ADAMTSL3: variants seen among roughly 807,000 people sequenced by gnomAD.
ADAMTSL3 encodes ADAMTS-like protein 3.
Under a neutral mutation model 201.7 loss-of-function variants are expected in ADAMTSL3, and 128 were observed. That is an observed-to-expected ratio of 0.63 (90% confidence interval 0.55 to 0.73). ADAMTSL3 has a LOEUF of 0.73. Ranked by LOEUF, ADAMTSL3 falls within the 30% of genes least tolerant of loss-of-function variation. The probability of loss-of-function intolerance (pLI) is 0.00; values close to 1 mark genes in which losing one functional copy is unlikely to be tolerated. For missense variants in ADAMTSL3, 1,990 were observed against 2,119.6 expected, an observed-to-expected ratio of 0.94 and a Z score of 1.20; for synonymous variants, 738 against 748.4, an observed-to-expected ratio of 0.99 and a Z score of 0.23.
chr15:83,807,755 A>G (rs1488814400), intron 5 of ADAMTSL3, among the ~76,000 whole-genome samples: 2 of 152,234 alleles, frequency 1.3e-5, no homozygotes, highest in Non-Finnish European at 1.5e-5. Context: ...ACAAAGTGAT[A>G]GTAACTAAAA....
chr15:83,981,308 G>A (rs879842103), intron 20 of ADAMTSL3, among the ~76,000 whole-genome samples: 1 of 152,224 alleles, frequency 6.6e-6, no homozygotes, highest in Non-Finnish European at 1.5e-5. Flanking sequence ...CCCATTAAGA[G>A]GAGCCGATCG....
At chr15:83,826,451 T>A (rs1177844127) in intron 6 of ADAMTSL3, among the ~76,000 whole-genome samples, 4 of 142,756 alleles carry the variant, frequency 2.8e-5, no homozygotes, top group Non-Finnish European at 3.0e-5. Context: ...TTTTTTTTTT[T>A]AATTTTTATC....
At chr15:83,782,968 A>G (rs1033239904) in intron 4 of ADAMTSL3, among the ~76,000 whole-genome samples, 5 of 140,882 alleles carry the variant, frequency 3.5e-5, no homozygotes, top group Middle Eastern at 3.7e-3. Flanking sequence ...ATATATACAT[A>G]TATTATATAT....
At chr15:84,013,952 C>G (rs2068045869) in intron 23 of ADAMTSL3, among the ~76,000 whole-genome samples, 1 of 152,182 alleles carries the variant, frequency 6.6e-6, no homozygotes, top group Non-Finnish European at 1.5e-5. Flanking sequence ...CCCTGCATCT[C>G]ACTGCATTGA....
intron 9 of ADAMTSL3, among the ~76,000 whole-genome samples, chr15:83,883,903 T>A (rs1439496855): frequency 6.6e-6 from 1 of 151,570 alleles, no homozygotes; most frequent in East Asian, 1.9e-4. Flanking sequence ...TTTTACTTTT[T>A]TTTTTTTAGA....
At chr15:83,959,594 T>C (rs529334506) in intron 19 of ADAMTSL3, among the ~76,000 whole-genome samples, 13 of 152,306 alleles carry the variant, frequency 8.5e-5, no homozygotes, top group Non-Finnish European at 1.9e-4. Flanking sequence ...GAGCCAAAGA[T>C]TTTATATCCT....
chr15:83,867,230 A>T (rs1256693571), intron 8 of ADAMTSL3, among the ~76,000 whole-genome samples: 1 of 152,208 alleles, frequency 6.6e-6, no homozygotes, highest in Non-Finnish European at 1.5e-5. Flanking sequence ...AGCAACATCA[A>T]TGTCAGTCTC....
At chr15:83,837,277 C>T (rs1165543113) in intron 6 of ADAMTSL3, among the ~76,000 whole-genome samples, 5 of 149,942 alleles carry the variant, frequency 3.3e-5, no homozygotes, top group Admixed American at 1.3e-4. Flanking sequence ...TAGATAAAGA[C>T]TATAGACAGA....
intron 4 of ADAMTSL3, among the ~76,000 whole-genome samples, chr15:83,781,563 A>T (rs1193291678): frequency 6.6e-6 from 1 of 152,242 alleles, no homozygotes; most frequent in Non-Finnish European, 1.5e-5. Context: ...CATGAGGAAG[A>T]CACCAAAAGC....
At chr15:84,030,825 G>A (rs1158960341) in intron 27 of ADAMTSL3, among the ~76,000 whole-genome samples, 1 of 152,164 alleles carries the variant, frequency 6.6e-6, no homozygotes, top group Non-Finnish European at 1.5e-5. Context: ...AGACCAGGTG[G>A]AGGCAGTTGG....
At chr15:83,698,315 T>C (rs1479493346) in intron 2 of ADAMTSL3, among the ~76,000 whole-genome samples, 1 of 152,114 alleles carries the variant, frequency 6.6e-6, no homozygotes, top group Admixed American at 6.5e-5. Flanking sequence ...CCATATACAC[T>C]TCCTCCTGCT....
At chr15:83,958,219 G>A (rs1053579771) in intron 19 of ADAMTSL3, among the ~76,000 whole-genome samples, 1 of 152,182 alleles carries the variant, frequency 6.6e-6, no homozygotes, top group Non-Finnish European at 1.5e-5. Context: ...AGAACCCTCA[G>A]CAAATAGGTC....
intron 10 of ADAMTSL3, among the ~76,000 whole-genome samples, chr15:83,885,528 T>A (rs535408070): frequency 1.3e-5 from 2 of 152,134 alleles, no homozygotes; most frequent in African/African-American, 4.8e-5. Context: ...AAAGTACGTA[T>A]TATTTTTAAT....
At chr15:83,670,390 G>A (rs1388747576) in intron 2 of ADAMTSL3, among the ~76,000 whole-genome samples, 4 of 151,704 alleles carry the variant, frequency 2.6e-5, no homozygotes, top group Non-Finnish European at 1.5e-5. Context: ...GTCTGTAGCA[G>A]TAGAAATCCA....
At chr15:83,822,030 T>A (rs1421235627) in intron 6 of ADAMTSL3, among the ~76,000 whole-genome samples, 1 of 75,910 alleles carries the variant, frequency 1.3e-5, no homozygotes, top group Non-Finnish European at 2.6e-5. Context: ...CCGGACGGGG[T>A]GGCTGGCCGG....
At chr15:83,827,198 C>G (rs1220938809) in intron 6 of ADAMTSL3, among the ~76,000 whole-genome samples, 1 of 152,172 alleles carries the variant, frequency 6.6e-6, no homozygotes, top group Non-Finnish European at 1.5e-5. Context: ...TTAATGATCG[C>G]CATTCTAACT....
At chr15:83,948,686 A>G (rs1306936256) in intron 19 of ADAMTSL3, among the ~76,000 whole-genome samples, 1 of 152,122 alleles carries the variant, frequency 6.6e-6, no homozygotes, top group Non-Finnish European at 1.5e-5. Flanking sequence ...TCTTGATCGA[A>G]GGTTGTTGAT....
rs2062115852 is a variant in ADAMTSL3 at position 83,722,576 on chromosome 15, AAG to A, written c.189+18071_189+18072del. On this transcript the variant is annotated intron_variant, in intron 3 of 29. Transcript: ENST00000286744. ...AAGTAATTCAAATAAACATTAAGTGAAGAGGTTTGAATCAAAACCTATAAACA... is the reference window on the plus strand; with the variant it reads ...AAGTAATTCAAATAAACATTAAGTGAAGGTTTGAATCAAAACCTATAAACA... Among the ~76,000 whole-genome samples the A allele has an allele frequency of 2.0e-5, 3 of 152,352 alleles. No homozygotes were observed. In the South Asian group the frequency reaches 6.2e-4, roughly 32 times the overall value.
At chr15:83,982,251 T>C in intron 20 of ADAMTSL3, 22 bp from the exon 21 acceptor site, 1 of 1,546,412 alleles carries the variant, frequency 6.5e-7, no homozygotes, top group Non-Finnish European at 8.7e-7. Context: ...TTTTCTTTTC[T>C]TTCTTTTTTT....
Sources: allele counts gnomAD v4.1 joint callset (sites outside exome capture counted in the v4.1 genomes callset), GRCh38; gene constraint gnomAD v4.1.1; transcripts MANE v1.5; gene names NCBI Gene and HGNC (gene_info 2026-07-23, HGNC 2026-07-21).